The following IRX2 variants were observed in gnomAD, a reference collection of about 807,000 sequenced individuals.
The protein encoded by IRX2 is iroquois-class homeodomain protein IRX-2.
Under a neutral mutation model 42.9 loss-of-function variants are expected in IRX2, and 26 were observed. The observed-to-expected ratio is 0.61, with a 90% CI of 0.44 to 0.84. The LOEUF (loss-of-function observed/expected upper bound fraction) is 0.84, where lower values mean the gene tolerates loss of function less well. Among genes scored for constraint, IRX2 ranks in the 40% least tolerant of loss-of-function variants. IRX2 has a pLI of 0.00. For synonymous variants in IRX2, 424 were observed against 353.9 expected (o/e 1.20, Z -2.22); for missense variants, 782 against 713.9 (o/e 1.10, Z -1.09).
chr5:2,739,207 A>G, the IRX2 span, among the ~76,000 whole-genome samples: 10 of 152,176 alleles, frequency 6.6e-5, no homozygotes, highest in African/African-American at 9.6e-5. Flanking sequence ...AGCGGTGCAG[A>G]CACCGCGGCA....
downstream of IRX2, among the ~76,000 whole-genome samples, chr5:2,741,824 G>A (rs1006417026): frequency 2.6e-5 from 4 of 152,170 alleles, no homozygotes; most frequent in Non-Finnish European, 4.4e-5. Context: ...TTTATTTACA[G>A]CTCCATATAG....
Position 2,751,274 on chromosome 5 carries a change from G to C in IRX2, c.140C>G (p.Pro47Arg). Residue 47 changes from proline to arginine, a missense_variant, in exon 1 of 4, where the codon CCC (proline) becomes CGC (arginine). Pro to Arg is a moderately radical substitution (Grantham distance 103, BLOSUM62 -2). Transcript: ENST00000302057. The surrounding 1 kb of genome is among the most constrained non-coding windows in gnomAD (Gnocchi z 4.0). ...CGTGAAGGCCGCCGAGCCCGGGTAG[G>C]GGCTGAACGCCGAGCCCGACGCCGA... ...ARSASGSAFSPYPGSAAFTAQ... is the reference protein window; with the variant it reads ...ARSASGSAFSRYPGSAAFTAQ... 14 of 1,427,262 alleles carry C rather than the reference G, an allele frequency of 9.8e-6. No individual in the cohort carries two copies. The highest frequency in any genetic ancestry group is 1.3e-5 in the Non-Finnish European group (14 of 1,090,544). 88.4% of individuals were successfully genotyped at this position (1,427,262 alleles called of 1,614,324 possible).
At position 2,751,491 on chromosome 5, in the gene IRX2, G is replaced by A. The variant is rs1286674154; in HGVS notation, c.-78C>T. ...CGGCGCCCTCCATCCACGCCCGGCC[G>A]GGGCGCGGCGCGGCGGCGGGCACCC... is the stretch of plus-strand genomic sequence containing the variant. On this transcript the variant is annotated 5_prime_UTR_variant, in exon 1 of 4. Coordinates refer to ENST00000302057, the MANE Select transcript of IRX2 (RefSeq NM_033267.5). This position sits in a 1 kb window ranked among gnomAD's most constrained non-coding sequence, Gnocchi z 4.0. 1.5e-5 allele frequency: 14 copies of A among 946,566 alleles called. No individual in the cohort carries two copies. Among genetic ancestry groups the A allele is most frequent in the Admixed American group, 6.3e-5 (1 of 15,844 alleles). 58.6% of individuals were successfully genotyped at this position (946,566 alleles called of 1,614,324 possible).
chr5:2,740,714 A>C, the IRX2 span, among the ~76,000 whole-genome samples: 1 of 152,050 alleles, frequency 6.6e-6, no homozygotes, highest in South Asian at 2.1e-4. Flanking sequence ...GGCCGGGTGG[A>C]AGGTGGCCCG....
At chr5:2,743,036 A>G (rs1737576646), downstream of IRX2, among the ~76,000 whole-genome samples, 2 of 152,218 alleles carry the variant, frequency 1.3e-5, no homozygotes, top group South Asian at 4.1e-4. Flanking sequence ...CAGAGATCTA[A>G]TAAACACATA....
chr5:2,748,460 G>C lies in IRX2; in HGVS notation c.1248C>G (p.Ala416=). 19 of 1,570,320 alleles carry C rather than the reference G, an allele frequency of 1.2e-5. No individual in the cohort carries two copies. Among genetic ancestry groups the C allele is most frequent in the Non-Finnish European group, 1.6e-5 (19 of 1,161,990 alleles). ...GCGCGGTGTGCAGGGCCTCGCCGGG[G>C]GCCGCGGCCGCAGAGTTGTACCGCA... The part of the protein sequence containing the change: ...GLLRYNSAAA[A]PGEALHTAPK... The change falls in exon 3 of 4, where the codon GCC becomes GCG. Residue 416 remains alanine, a synonymous_variant. Transcript: ENST00000302057.
the IRX2 span, among the ~76,000 whole-genome samples, chr5:2,739,662 C>A: frequency 6.6e-6 from 1 of 152,208 alleles, no homozygotes; most frequent in East Asian, 1.9e-4. Flanking sequence ...TCGTCCTGAA[C>A]CCGGGCCGGG....
chr5:2,748,570 G>C lies in IRX2; in HGVS notation c.1138C>G (p.Arg380Gly). ...AAGGGCGACGTGTAGTAGAGGGGGCGGCCCAGCAGCGGCGAGGCAGGGTAG... is the reference window on the plus strand; with the variant it reads ...AAGGGCGACGTGTAGTAGAGGGGGCCGCCCAGCAGCGGCGAGGCAGGGTAG... ...SPYPASPLLGRPLYYTSPFYG... is the reference protein window; with the variant it reads ...SPYPASPLLGGPLYYTSPFYG... Residue 380 changes from arginine to glycine, a missense_variant, in exon 3 of 4, where the codon CGC becomes GGC. This residue lies in a region of IRX2 where 520 missense variants were observed against 437.8 expected (regional missense o/e 1.19). Transcript: ENST00000302057. The C allele has an allele frequency of 2.6e-6, 4 of 1,563,516 alleles. No homozygotes were observed. The highest frequency in any genetic ancestry group is 3.5e-6 in the Non-Finnish European group (4 of 1,157,558).
chr5:2,751,243 C>A lies in IRX2; in HGVS notation c.171G>T (p.Gln57His). Residue 57 changes from glutamine to histidine, a missense_variant, in exon 1 of 4, where the codon CAG becomes CAT. By Grantham distance (24) the Gln-to-His change is conservative. This residue lies in a region of IRX2 where 256 missense variants were observed against 250.0 expected (regional missense o/e 1.02). Coordinates refer to ENST00000302057, the MANE Select transcript of IRX2 (RefSeq NM_033267.5). This position sits in a 1 kb window ranked among gnomAD's most constrained non-coding sequence, Gnocchi z 4.0. ...PYPGSAAFTA[Q>H]AATGFGSPLQ... ...GCGGGCTCCCGAAGCCGGTGGCCGC[C>A]TGCGCCGTGAAGGCCGCCGAGCCCG... The A allele has an allele frequency of 7.2e-7, 1 of 1,394,022 alleles. No individual in the cohort carries two copies. The highest frequency in any genetic ancestry group is 9.3e-7 in the Non-Finnish European group (1 of 1,073,334). 86.4% of individuals were successfully genotyped at this position (1,394,022 alleles called of 1,614,324 possible).
the IRX2 span, among the ~76,000 whole-genome samples, chr5:2,738,620 A>G: frequency 6.6e-6 from 1 of 152,050 alleles, no homozygotes; most frequent in Non-Finnish European, 1.5e-5. Context: ...AGTGACCCCG[A>G]GTCCAATGGC....
rs759220651 is a variant in IRX2 at position 2,749,494 on chromosome 5, G to C, written c.543C>G (p.Ala181=). ...CCTCATCTTCGCTTTTGTTTCTCGG[G>C]GCCCAGGTCATCTTGTTCTCCTTCT... ...RLKKENKMTW[A]PRNKSEDEDE... Residue 181 remains alanine, a synonymous_variant, in exon 2 of 4, where the codon GCC becomes GCG. Transcript: ENST00000302057. 6.2e-7 allele frequency: 1 copy of C among 1,614,098 alleles called. No individual in the cohort carries two copies. Among genetic ancestry groups the C allele is most frequent in the Non-Finnish European group, 8.5e-7 (1 of 1,180,046 alleles).
chr5:2,748,996 C>T lies in IRX2; in HGVS notation c.712G>A (p.Gly238Arg). 1.9e-6 allele frequency: 3 copies of T among 1,597,464 alleles called. No individual in the cohort carries two copies. The highest frequency in any genetic ancestry group is 1.7e-4 in the Middle Eastern group (1 of 6,052). The change falls in exon 3 of 4, where the codon GGG becomes AGG. Residue 238 changes from glycine to arginine, a missense_variant. Gly to Arg is a moderately radical substitution (Grantham distance 125). Around this residue, in one of 3 missense-constraint regions of IRX2, gnomAD observed 520 missense variants for 437.8 expected, o/e 1.19. Transcript: ENST00000302057. ...TDHSCSAESD[G>R]EKLPCRAGDP... is the part of the protein sequence containing the mutation. ...CCGGCGCGGCACGGAAGCTTCTCCC[C>T]GTCCGACTCGGCCGAGCACGAGTGA...
rs1454440711 is a variant in IRX2, at chr5:2,747,173, A to C, written c.*391T>G. ...TAGTAAAAATGGCTCTAAATTGCAT[A>C]TAAATGCCCAGATTTTAATAATCTA... On this transcript the variant is annotated 3_prime_UTR_variant, in exon 4 of 4. Coordinates refer to ENST00000302057, the MANE Select transcript of IRX2 (RefSeq NM_033267.5). 1 of 152,824 alleles carries C rather than the reference A, an allele frequency of 6.5e-6. No homozygotes were observed. Among genetic ancestry groups the C allele is most frequent in the African/African-American group, 2.4e-5 (1 of 41,440 alleles). 9.5% of individuals were successfully genotyped at this position (152,824 alleles called of 1,614,324 possible). A position where few individuals can be genotyped will look rare whatever the true frequency, so the allele number is the denominator to read the frequency against.
chr5:2,742,564 T>A (rs555528065), downstream of IRX2, among the ~76,000 whole-genome samples: 2 of 152,248 alleles, frequency 1.3e-5, no homozygotes, highest in Non-Finnish European at 2.9e-5. Flanking sequence ...AAAAAAATAG[T>A]TAAAATGTTA....
intron 2 of IRX2, 45 bp downstream of exon 2, chr5:2,749,337 G>A: frequency 6.5e-7 from 1 of 1,544,986 alleles, no homozygotes. Flanking sequence ...GCCCCGCCTG[G>A]GAAGAAAGCG....
the IRX2 span, among the ~76,000 whole-genome samples, chr5:2,740,180 T>TGGG: frequency 4.0e-5 from 5 of 124,392 alleles, no homozygotes; most frequent in African/African-American, 1.8e-4. Context: ...AGTCGTGGCG[T>TGGG]GCGGGGGCGG....
In IRX2 at chr5:2,751,022, GCCAA is replaced by G. The variant is rs1180929349; in HGVS notation, c.249+139_249+142del. 6.0e-6 allele frequency: 6 copies of G among 994,084 alleles called. No homozygotes were observed. The highest frequency in any genetic ancestry group is 7.6e-6 in the Non-Finnish European group (6 of 791,602). 61.6% of individuals were successfully genotyped at this position (994,084 alleles called of 1,614,324 possible). On this transcript the variant is annotated intron_variant, in intron 1 of 3. Coordinates refer to ENST00000302057, the MANE Select transcript of IRX2 (RefSeq NM_033267.5). The surrounding 1 kb of genome is among the most constrained non-coding windows in gnomAD (Gnocchi z 4.0). ...GGGGCCCGGCTCAGCCTGCGGGGCGGCCAACCGAGCCGGCGACTCCTGAGTCGCC... is the reference window on the plus strand; with the variant it reads ...GGGGCCCGGCTCAGCCTGCGGGGCGGCCGAGCCGGCGACTCCTGAGTCGCC...
rs1275181936 is a variant in IRX2, at chr5:2,749,696, T to C, written c.341A>G (p.Asp114Gly). 2.5e-6 allele frequency: 4 copies of C among 1,613,600 alleles called. No individual in the cohort carries two copies. In the African/African-American group the frequency reaches 5.4e-5, roughly 22 times the overall value. ...GSAAYPYQLN[D>G]PAYRKNATRD... ...CGTGGCGTTCTTGCGGTACGCGGGG[T>C]CGTTGAGCTGGTACGGGTAGGCCGC... Residue 114 changes from aspartate (D) to glycine (G), a missense_variant, in exon 2 of 4, where the codon GAC (aspartate) becomes GGC (glycine). Asp to Gly is a moderately conservative substitution (Grantham distance 94, BLOSUM62 -1). Around this residue, in one of 3 missense-constraint regions of IRX2, gnomAD observed 256 missense variants for 250.0 expected, o/e 1.02. Coordinates refer to ENST00000302057, the MANE Select transcript of IRX2 (RefSeq NM_033267.5).
chr5:2,740,602 CA>C, the IRX2 span, among the ~76,000 whole-genome samples: 6 of 152,200 alleles, frequency 3.9e-5, no homozygotes, highest in Admixed American at 6.5e-5. Context: ...TCAGGCAAAA[CA>C]CGTAGGCCTG....
Sources: allele counts gnomAD v4.1 joint callset (sites outside exome capture counted in the v4.1 genomes callset), GRCh38; gene constraint gnomAD v4.1.1; regional missense constraint gnomAD v4.1.1; non-coding constraint Gnocchi (gnomAD v3.1); transcripts MANE v1.5; gene names NCBI Gene and HGNC (gene_info 2026-07-23, HGNC 2026-07-21).